SRRM1: variants seen among roughly 807,000 people sequenced by gnomAD.
SRRM1 encodes serine and arginine repetitive matrix 1.
SRRM1 carries 19 observed loss-of-function variants against 110.2 expected under a neutral mutation model. The observed-to-expected ratio is 0.17, with a 90% CI of 0.12 to 0.25. The LOEUF (loss-of-function observed/expected upper bound fraction) is 0.25. Ranked by LOEUF, SRRM1 falls within the 10% of genes least tolerant of loss-of-function variation. The pLI is 1.00. For synonymous variants in SRRM1, 443 were observed against 414.9 expected (o/e 1.07, Z -0.82); for missense variants, 918 against 1,145.8 (o/e 0.80, Z 2.87).
chr1:24,654,841 A>G lies in SRRM1; in HGVS notation c.1041-14A>G. 1 of 1,613,762 alleles carries G rather than the reference A, an allele frequency of 6.2e-7. No individual in the cohort carries two copies. Among genetic ancestry groups the G allele is most frequent in the Non-Finnish European group, 8.5e-7 (1 of 1,179,718 alleles). On this transcript the variant is annotated splice_polypyrimidine_tract_variant and intron_variant, in intron 8 of 16. Coordinates refer to ENST00000323848, the MANE Select transcript of SRRM1 (RefSeq NM_005839.4). ...AAGTGTGCAATTAGTGAATATGAAT[A>G]CTTTATTCCACAGAAGAAGACGTTC...
At chr1:24,650,130 A>C in intron 5 of SRRM1, 44 bp downstream of exon 5, 1 of 1,464,378 alleles carries the variant, frequency 6.8e-7, no homozygotes, top group Non-Finnish European at 9.0e-7. Context: ...CAGGTACTTT[A>C]GGTCTTAAGA....
In SRRM1 at chr1:24,666,877, C is replaced by A. The variant is rs1329979019; in HGVS notation, c.1691C>A (p.Ala564Asp). The A allele has an allele frequency of 6.2e-7, 1 of 1,612,226 alleles. No individual in the cohort carries two copies. The highest frequency in any genetic ancestry group is 1.7e-5 in the Admixed American group (1 of 59,422). The change falls in exon 13 of 17, where the codon GCC becomes GAC. Residue 564 changes from alanine (A) to aspartate (D), a missense_variant. Ala to Asp is a moderately radical substitution (Grantham distance 126, BLOSUM62 -2). Transcript: ENST00000323848. ...PTRRRRSPSP[A>D]PPPRRRRTPT... ...AGAAGGCGACGGTCTCCTTCTCCCG[C>A]CCCTCCTCCTCGACGGCGCAGGACT...
intron 13 of SRRM1, among the ~76,000 whole-genome samples, chr1:24,667,989 T>TTG (rs1464885230): frequency 6.9e-6 from 1 of 144,258 alleles, no homozygotes; most frequent in Non-Finnish European, 1.5e-5. Flanking sequence ...TTTTTTTTTT[T>TTG]TTTGAGACAG....
At position 24,654,946 on chromosome 1, in the gene SRRM1, A is replaced by C. The variant is rs1266486327; in HGVS notation, c.1132A>C (p.Thr378Pro). The C allele has an allele frequency of 6.2e-7, 1 of 1,614,186 alleles. No individual in the cohort carries two copies. Among genetic ancestry groups the C allele is most frequent in the East Asian group, 2.2e-5 (1 of 44,884 alleles). The stretch of plus-strand genomic sequence containing the variant: ...ACCACCAAAGAAGCCTCCCAAGAGG[A>C]CATCCAGCCCCCCTCGGAAAACTCG... ...RSPPKKPPKR[T>P]SSPPRKTRRL... Residue 378 changes from threonine (T) to proline (P), a missense_variant, in exon 9 of 17, where the codon ACA becomes CCA. By Grantham distance (38) the Thr-to-Pro change is conservative. This residue lies in a region of SRRM1 where 456 missense variants were observed against 453.5 expected (regional missense o/e 1.01). Coordinates refer to ENST00000323848, the MANE Select transcript of SRRM1 (RefSeq NM_005839.4).
In SRRM1 at chr1:24,671,899, GT is replaced by G. The variant is rs1026138077; in HGVS notation, c.2611-272del. Reference sequence around the variant, plus strand: ...AGTACTCAAAAGATTTGTGAGGTTGGTTTTTTTTTTTGTTTGTTTTTTAATT... The same window carrying G: ...AGTACTCAAAAGATTTGTGAGGTTGGTTTTTTTTTTGTTTGTTTTTTAATT... On this transcript the variant is annotated intron_variant, in intron 16 of 16. Transcript: ENST00000323848. Among the ~76,000 whole-genome samples, 322 of 140,820 alleles carry G rather than the reference GT, an allele frequency of 2.3e-3. 1 individual carries two copies. Among genetic ancestry groups the G allele is most frequent in the African/African-American group, 4.4e-3 (171 of 38,554 alleles). 92.4% of individuals were successfully genotyped at this position (140,820 alleles called of 152,430 possible).
intron 10 of SRRM1, chr1:24,661,017 C>T: frequency 1.9e-6 from 1 of 536,126 alleles, no homozygotes; most frequent in Non-Finnish European, 3.3e-6. Context: ...TTTCTTCTTT[C>T]ATCTCCGAAA....
At chr1:24,661,242 CT>C in intron 10 of SRRM1, 67 bp from the exon 11 acceptor site, 1 of 1,111,940 alleles carries the variant, frequency 9.0e-7, no homozygotes, top group Non-Finnish European at 1.3e-6. Context: ...GACTATTTTC[CT>C]ATTCAAATTG....
At chr1:24,663,307 CATTCTT>C (rs1284367484) in intron 12 of SRRM1, 5 of 1,081,128 alleles carry the variant, frequency 4.6e-6, no homozygotes, top group Admixed American at 5.1e-5. Context: ...GACCTCATCT[CATTCTT>C]AAATATATGG....
chr1:24,671,545 A>G lies in SRRM1; in HGVS notation c.2560A>G (p.Thr854Ala). 2.5e-6 allele frequency: 4 copies of G among 1,609,242 alleles called. No homozygotes were observed. Among genetic ancestry groups the G allele is most frequent in the Non-Finnish European group, 3.4e-6 (4 of 1,178,796 alleles). ...AVTPAAIAAA[T>A]TTLAQEEPVA... Reference sequence around the variant, plus strand: ...GACCCCTGCAGCCATTGCAGCTGCCACAACCACATTAGCACAGGAAGAGCC... The same window carrying G: ...GACCCCTGCAGCCATTGCAGCTGCCGCAACCACATTAGCACAGGAAGAGCC... The change falls in exon 16 of 17, where the codon ACA becomes GCA. Residue 854 changes from threonine (T) to alanine (A), a missense_variant. Physicochemically the swap from Thr to Ala is moderately conservative, Grantham distance 58. This residue lies in a region of SRRM1 where 62 missense variants were observed against 127.6 expected (regional missense o/e 0.49). Coordinates refer to ENST00000323848, the MANE Select transcript of SRRM1 (RefSeq NM_005839.4).
At chr1:24,660,154 A>G (rs945807195) in intron 9 of SRRM1, among the ~76,000 whole-genome samples, 3 of 152,154 alleles carry the variant, frequency 2.0e-5, no homozygotes, top group African/African-American at 7.2e-5. Context: ...AAAAGCTTTC[A>G]TGTTGATGAA....
Position 24,672,401 on chromosome 1 carries a change from T to A in SRRM1, c.*115T>A. On this transcript the variant is annotated 3_prime_UTR_variant, in exon 17 of 17. Transcript: ENST00000323848. Reference sequence around the variant, plus strand: ...AACATTTGTTGTAATAATTGCTAGGTTGAAGTTCAACATGTAAAAAAAGGG... The same window carrying A: ...AACATTTGTTGTAATAATTGCTAGGATGAAGTTCAACATGTAAAAAAAGGG... 1 of 692,296 alleles carries A rather than the reference T, an allele frequency of 1.4e-6. No individual in the cohort carries two copies. Among genetic ancestry groups the A allele is most frequent in the South Asian group, 2.1e-5 (1 of 48,090 alleles). The allele number at this position is 692,296 out of a possible 1,614,324, so 42.9% of individuals were successfully genotyped here. A position where few individuals can be genotyped will look rare whatever the true frequency, so the allele number is the denominator to read the frequency against.
At chr1:24,652,732 A>G (rs1239888504) in intron 7 of SRRM1, 104 bp downstream of exon 7, 9 of 1,329,718 alleles carry the variant, frequency 6.8e-6, no homozygotes, top group Non-Finnish European at 9.1e-6. Context: ...TGTTTAGTAC[A>G]AATATTTTTT....
At chr1:24,643,523 C>G in intron 1 of SRRM1, 176 bp downstream of exon 1, 1 of 515,716 alleles carries the variant, frequency 1.9e-6, no homozygotes, top group Non-Finnish European at 3.3e-6. Context: ...ACCGGTGCGC[C>G]CCTGCGCAGT....
intron 3 of SRRM1, 100 bp downstream of exon 3, chr1:24,646,889 A>C (rs1657978229): frequency 1.1e-6 from 1 of 943,756 alleles, no homozygotes. Context: ...TAGAAGGGTT[A>C]TTTTACAATG....
At position 24,655,039 on chromosome 1, in the gene SRRM1, C is replaced by T. The variant is rs1463454637; in HGVS notation, c.1225C>T (p.Pro409Ser). ...GCCATCACCTCCTGCAACTCCACCA[C>T]CCAAAACTCGGCATTCCCCTACACC... ...HRPSPPATPP[P>S]KTRHSPTPQQ... The change falls in exon 9 of 17, where the codon CCC becomes TCC. Residue 409 changes from proline (P) to serine (S), a missense_variant. Coordinates refer to ENST00000323848, the MANE Select transcript of SRRM1 (RefSeq NM_005839.4). The T allele has an allele frequency of 1.9e-6, 3 of 1,614,060 alleles. No homozygotes were observed. Among genetic ancestry groups the T allele is most frequent in the African/African-American group, 1.3e-5 (1 of 74,904 alleles).
At chr1:24,655,334 G>T (rs7546441) in intron 9 of SRRM1, among the ~76,000 whole-genome samples, 29,807 of 152,080 alleles carry the variant, frequency 0.2, 3,001 homozygotes, top group African/African-American at 0.22. Context: ...TTTGTTTTTA[G>T]CAATGCCCTG....
chr1:24,667,838 G>A (rs1173304713), intron 13 of SRRM1, among the ~76,000 whole-genome samples: 1 of 152,130 alleles, frequency 6.6e-6, no homozygotes, highest in African/African-American at 2.4e-5. Context: ...TATTAGCATG[G>A]TGAAGTGGCA....
rs374735081 is a variant in SRRM1, at chr1:24,665,220, C to T, written c.1629-1595C>T. ...GTTGGGTGGATCACCTGAGATCAGA[C>T]GTTTGAGACCAGCCTGGCCAACACG... On this transcript the variant is annotated intron_variant, in intron 12 of 16. Coordinates refer to ENST00000323848, the MANE Select transcript of SRRM1 (RefSeq NM_005839.4). Among the ~76,000 whole-genome samples, 14 of 151,554 alleles carry T rather than the reference C, an allele frequency of 9.2e-5. No individual in the cohort carries two copies. In the South Asian group the frequency reaches 1.7e-3, roughly 18 times the overall value.
chr1:24,665,989 A>C (rs1669794241), intron 12 of SRRM1, among the ~76,000 whole-genome samples: 1 of 152,184 alleles, frequency 6.6e-6, no homozygotes, highest in African/African-American at 2.4e-5. Context: ...GCCACTTGTG[A>C]CTATTGGCAT....
Sources: allele counts gnomAD v4.1 joint callset (sites outside exome capture counted in the v4.1 genomes callset), GRCh38; gene constraint gnomAD v4.1.1; regional missense constraint gnomAD v4.1.1; transcripts MANE v1.5; gene names NCBI Gene and HGNC (gene_info 2026-07-23, HGNC 2026-07-21).